SGCZ: variants seen among roughly 807,000 people sequenced by gnomAD.
SGCZ encodes sarcoglycan zeta, also known as zeta-sarcoglycan.
In SGCZ, 40 loss-of-function variants were observed where a neutral mutation model predicts 41.3. The ratio of observed to expected loss-of-function variants is 0.97; its 90% confidence interval spans 0.75 to 1.26. The LOEUF is 1.26. Among genes scored for constraint, SGCZ ranks in the 50% most tolerant of loss-of-function variants. SGCZ has a pLI of 0.00. For missense variants in SGCZ, 552 were observed against 369.8 expected, an observed-to-expected ratio of 1.49 and a Z score of -4.04; for synonymous variants, 206 against 137.5, an observed-to-expected ratio of 1.50 and a Z score of -3.49.
At chr8:14,165,175 G>C (rs1263422839) in intron 4 of SGCZ, 2 of 152,896 alleles carry the variant, frequency 1.3e-5, no homozygotes, top group East Asian at 1.9e-4. Context: ...TCTTTAGCTA[G>C]TCTACATGTC....
intron 2 of SGCZ, among the ~76,000 whole-genome samples, chr8:14,436,556 G>A (rs1359208377): frequency 6.6e-6 from 1 of 152,114 alleles, no homozygotes; most frequent in Non-Finnish European, 1.5e-5. Flanking sequence ...GTTGTCATTT[G>A]CACGGATGGT....
chr8:14,775,511 G>C (rs867881255), intron 1 of SGCZ, among the ~76,000 whole-genome samples: 2 of 149,918 alleles, frequency 1.3e-5, no homozygotes, highest in Non-Finnish European at 3.0e-5. Flanking sequence ...ACACAGGGGG[G>C]AATAGAGATC....
chr8:14,274,243 T>G (rs1800158352), intron 3 of SGCZ, among the ~76,000 whole-genome samples: 1 of 152,146 alleles, frequency 6.6e-6, no homozygotes, highest in Admixed American at 6.6e-5. Flanking sequence ...AGCATTGAAC[T>G]TAACAGAAGG....
rs565586992 is a variant in SGCZ, at chr8:15,181,016, A to G, written c.39+56569T>C. Among the ~76,000 whole-genome samples, 28 of 152,324 alleles carry G rather than the reference A, an allele frequency of 1.8e-4. No homozygotes were observed. In the South Asian group the frequency reaches 5.8e-3, roughly 32 times the overall value. ...GTAAATTTACATTCATACACATACAAACTATTGCCATCTTTCAATTAGCAA... is the reference window on the plus strand; with the variant it reads ...GTAAATTTACATTCATACACATACAGACTATTGCCATCTTTCAATTAGCAA... On this transcript the variant is annotated intron_variant, in intron 1 of 7. Coordinates refer to ENST00000382080, the MANE Select transcript of SGCZ (RefSeq NM_139167.4).
At chr8:14,884,794 A>G (rs1441217619) in intron 1 of SGCZ, among the ~76,000 whole-genome samples, 1 of 152,140 alleles carries the variant, frequency 6.6e-6, no homozygotes, top group Non-Finnish European at 1.5e-5. Flanking sequence ...CAATTTATCT[A>G]ATATTAAAAG....
At chr8:14,738,626 T>C (rs1799115483) in intron 1 of SGCZ, among the ~76,000 whole-genome samples, 1 of 152,086 alleles carries the variant, frequency 6.6e-6, no homozygotes, top group Non-Finnish European at 1.5e-5. Flanking sequence ...AGCAGCAGTT[T>C]ACATGACTTT....
intron 1 of SGCZ, among the ~76,000 whole-genome samples, chr8:14,689,576 A>G (rs6984821): frequency 0.4 from 60,497 of 152,022 alleles, 15,667 homozygotes; most frequent in African/African-American, 0.74. Flanking sequence ...ACATAATTAA[A>G]TTCTAGATTT....
intron 2 of SGCZ, among the ~76,000 whole-genome samples, chr8:14,328,699 C>G (rs4831574): frequency 1.3e-5 from 2 of 152,058 alleles, no homozygotes; most frequent in Non-Finnish European, 2.9e-5. Flanking sequence ...TTATGATACT[C>G]TTGTTCATCA....
chr8:15,226,533 G>C (rs1196165948), intron 1 of SGCZ, among the ~76,000 whole-genome samples: 1 of 151,986 alleles, frequency 6.6e-6, no homozygotes, highest in Middle Eastern at 3.2e-3. Context: ...TCTCATTTTT[G>C]AGGGTGCCCT....
intron 1 of SGCZ, among the ~76,000 whole-genome samples, chr8:14,803,926 C>A (rs574513268): frequency 0.01 from 855 of 85,366 alleles, 43 homozygotes; most frequent in African/African-American, 0.05. Context: ...TGACCCCTGA[C>A]CCCCGAGCCG....
At chr8:14,184,625 G>GGCAT (rs1804844051) in intron 4 of SGCZ, among the ~76,000 whole-genome samples, 2 of 152,114 alleles carry the variant, frequency 1.3e-5, no homozygotes, top group Admixed American at 1.3e-4. Flanking sequence ...CCTCACTAGA[G>GGCAT]GCATCACAGT....
intron 2 of SGCZ, among the ~76,000 whole-genome samples, chr8:14,401,434 C>G (rs1487125189): frequency 2.0e-5 from 2 of 99,268 alleles, no homozygotes; most frequent in Non-Finnish European, 3.7e-5. Flanking sequence ...CTATCCCTCC[C>G]CCCTCCCCCC....
At chr8:15,212,151 CA>C (rs1801255545) in intron 1 of SGCZ, among the ~76,000 whole-genome samples, 1 of 152,078 alleles carries the variant, frequency 6.6e-6, no homozygotes, top group Non-Finnish European at 1.5e-5. Flanking sequence ...ACAATATGTT[CA>C]AAATTAGTTC....
At chr8:14,302,541 C>T (rs541491781) in intron 3 of SGCZ, among the ~76,000 whole-genome samples, 14 of 152,268 alleles carry the variant, frequency 9.2e-5, no homozygotes, top group African/African-American at 3.1e-4. Flanking sequence ...CCTACACCCT[C>T]TCCGATTTCA....
At chr8:14,697,654 CATGCTTGAGAAT>C (rs1809008644) in intron 1 of SGCZ, among the ~76,000 whole-genome samples, 1 of 151,942 alleles carries the variant, frequency 6.6e-6, no homozygotes. Context: ...CTATCTAGAA[CATGCTTGAGAAT>C]TTCCTCACCT....
intron 1 of SGCZ, among the ~76,000 whole-genome samples, chr8:14,682,656 G>A (rs991318668): frequency 3.3e-5 from 5 of 152,176 alleles, no homozygotes; most frequent in South Asian, 2.1e-4. Context: ...GGATGGTCTC[G>A]ATCTCCTGAC....
chr8:14,122,276 C>A (rs1208712790), intron 5 of SGCZ, among the ~76,000 whole-genome samples: 1 of 152,012 alleles, frequency 6.6e-6, no homozygotes, highest in African/African-American at 2.4e-5. Context: ...AAGACTCAGT[C>A]TCCAAAAACA....
At chr8:14,194,361 G>C (rs1352066561) in intron 4 of SGCZ, among the ~76,000 whole-genome samples, 1 of 151,850 alleles carries the variant, frequency 6.6e-6, no homozygotes, top group Non-Finnish European at 1.5e-5. Flanking sequence ...CTAGTGAAGA[G>C]ATATAAACTT....
chr8:15,055,692 G>A (rs918303880), intron 1 of SGCZ, among the ~76,000 whole-genome samples: 1 of 152,186 alleles, frequency 6.6e-6, no homozygotes, highest in East Asian at 1.9e-4. Flanking sequence ...CAACCAACGA[G>A]AATTACCAGG....
Sources: allele counts gnomAD v4.1 joint callset (sites outside exome capture counted in the v4.1 genomes callset), GRCh38; gene constraint gnomAD v4.1.1; transcripts MANE v1.5; gene names NCBI Gene and HGNC (gene_info 2026-07-23, HGNC 2026-07-21).